Variants in NBAS observed in about 807,000 individuals in gnomAD.
NBAS encodes the protein NBAS subunit of NRZ tethering complex.
Under a neutral mutation model 302.5 loss-of-function variants are expected in NBAS, and 219 were observed. The observed-to-expected ratio is 0.72, with a 90% confidence interval of 0.65 to 0.81. NBAS has a LOEUF of 0.81. Ranked by LOEUF, NBAS falls within the 30% of genes least tolerant of loss-of-function variation. The pLI, the probability that NBAS is intolerant of heterozygous loss-of-function variation, is 0.00. For missense variants in NBAS, 2,932 were observed against 2,841.6 expected, an observed-to-expected ratio of 1.03 and a Z score of -0.72; for synonymous variants, 1,118 against 1,021.6, an observed-to-expected ratio of 1.09 and a Z score of -1.80.
chr2:14,822,530 T>G, the NBAS span, among the ~76,000 whole-genome samples: 1 of 152,108 alleles, frequency 6.6e-6, no homozygotes, highest in Non-Finnish European at 1.5e-5. Flanking sequence ...ATTTCAGACC[T>G]CCAAAGGTCA....
intron 10 of NBAS, among the ~76,000 whole-genome samples, chr2:15,509,262 C>T (rs934289033): frequency 1.3e-5 from 2 of 152,142 alleles, no homozygotes; most frequent in African/African-American, 4.8e-5. Context: ...CATCTCATGC[C>T]TCTATGTTCA....
At chr2:15,297,616 C>T (rs1006939568) in intron 40 of NBAS, among the ~76,000 whole-genome samples, 4 of 152,222 alleles carry the variant, frequency 2.6e-5, no homozygotes, top group African/African-American at 9.6e-5. Flanking sequence ...TTTTCTGAGG[C>T]CTCCCAGCCA....
intron 42 of NBAS, among the ~76,000 whole-genome samples, chr2:15,278,626 G>C (rs1300194171): frequency 1.3e-5 from 2 of 152,144 alleles, no homozygotes; most frequent in Non-Finnish European, 2.9e-5. Flanking sequence ...TATGTACAAG[G>C]CACTGTGCTC....
chr2:15,429,731 C>G (rs979500766), intron 21 of NBAS, among the ~76,000 whole-genome samples: 1 of 152,110 alleles, frequency 6.6e-6, no homozygotes, highest in African/African-American at 2.4e-5. Context: ...ATGTAATATC[C>G]TAGCAAACTA....
intron 11 of NBAS, among the ~76,000 whole-genome samples, chr2:15,500,502 T>TCA (rs72095633): frequency 0.43 from 57,821 of 135,994 alleles, 13,369 homozygotes; most frequent in Non-Finnish European, 0.55. Context: ...TTTAGAAGTC[T>TCA]CACACACACA....
the NBAS span, among the ~76,000 whole-genome samples, chr2:15,135,650 T>G: frequency 6.6e-6 from 1 of 152,134 alleles, no homozygotes; most frequent in Non-Finnish European, 1.5e-5. Flanking sequence ...TTTGTGATTC[T>G]GGGTAGTGGA....
the NBAS span, among the ~76,000 whole-genome samples, chr2:14,954,019 T>C: frequency 6.6e-6 from 1 of 152,094 alleles, no homozygotes; most frequent in Non-Finnish European, 1.5e-5. Context: ...AATGGGCCAA[T>C]AAGCCCTACC....
intron 31 of NBAS, among the ~76,000 whole-genome samples, chr2:15,367,517 A>G (rs1174715067): frequency 6.6e-6 from 1 of 152,220 alleles, no homozygotes; most frequent in Non-Finnish European, 1.5e-5. Context: ...TCTTATTAAT[A>G]GAAGGCAGGT....
chr2:15,202,339 A>G (rs1376420518), intron 48 of NBAS, among the ~76,000 whole-genome samples: 1 of 152,210 alleles, frequency 6.6e-6, no homozygotes, highest in African/African-American at 2.4e-5. Flanking sequence ...TGTCACTTCG[A>G]TATGTAATAC....
chr2:15,383,392 G>T (rs1017791730), intron 28 of NBAS, 75 bp from the exon 29 acceptor site: 2 of 1,459,734 alleles, frequency 1.4e-6, no homozygotes, highest in African/African-American at 1.4e-5. Flanking sequence ...ATGATCTAAA[G>T]TTAAAAAAAC....
chr2:15,560,418 C>G (rs1664856663), intron 1 of NBAS, among the ~76,000 whole-genome samples: 2 of 152,150 alleles, frequency 1.3e-5, no homozygotes, highest in South Asian at 4.1e-4. Flanking sequence ...CAGTCAGCAG[C>G]TCTTTACTCT....
chr2:15,518,625 AAGAG>A (rs946906113), intron 9 of NBAS, among the ~76,000 whole-genome samples: 35 of 152,334 alleles, frequency 2.3e-4, no homozygotes, highest in African/African-American at 7.7e-4. Context: ...TAACAAAAAC[AAGAG>A]AGAGAAAGAG....
In NBAS at chr2:15,292,614, G is replaced by C. The variant is rs748273369; in HGVS notation, c.4950C>G (p.Gly1650=). ...GCTGCACGTCCACACCCTTCCGAAGGCCCTGAAGGATCTGCGCCTGAGTGA... is the reference window on the plus strand; with the variant it reads ...GCTGCACGTCCACACCCTTCCGAAGCCCCTGAAGGATCTGCGCCTGAGTGA... The part of the protein sequence containing the change: ...LDFTQAQILQ[G]LRKGVDVQRF... Residue 1650 remains glycine (G), a synonymous_variant, in exon 41 of 52, where the codon GGC becomes GGG. Coordinates refer to ENST00000281513, the MANE Select transcript of NBAS (RefSeq NM_015909.4). The C allele has an allele frequency of 1.2e-6, 2 of 1,614,130 alleles. No homozygotes were observed. The highest frequency in any genetic ancestry group is 1.3e-5 in the African/African-American group (1 of 75,020).
At chr2:14,811,146 G>A in the NBAS span, among the ~76,000 whole-genome samples, 1 of 152,158 alleles carries the variant, frequency 6.6e-6, no homozygotes, top group East Asian at 1.9e-4. Flanking sequence ...GGTGGTTCAT[G>A]TCTATAATCC....
chr2:14,783,576 T>A, the NBAS span, among the ~76,000 whole-genome samples: 1 of 149,498 alleles, frequency 6.7e-6, no homozygotes, highest in South Asian at 2.1e-4. Context: ...CGGTGTTTGG[T>A]TTTTTGTCCT....
chr2:15,305,449 GTTT>G (rs35136896), intron 40 of NBAS, among the ~76,000 whole-genome samples: 3,419 of 123,742 alleles, frequency 0.028, 123 homozygotes, highest in African/African-American at 0.096. Flanking sequence ...GTCTCGAGCA[GTTT>G]TTTTTTTTTT....
chr2:15,367,210 T>C (rs1674253986), intron 31 of NBAS, among the ~76,000 whole-genome samples: 2 of 152,112 alleles, frequency 1.3e-5, no homozygotes, highest in South Asian at 4.1e-4. Context: ...TTTTCTCACA[T>C]AAACTGGATA....
the NBAS span, among the ~76,000 whole-genome samples, chr2:14,873,675 C>A: frequency 1.4e-5 from 2 of 140,324 alleles, no homozygotes; most frequent in African/African-American, 2.9e-5. Flanking sequence ...TGGAAGATTC[C>A]TTGATGTTTT....
the NBAS span, among the ~76,000 whole-genome samples, chr2:15,041,997 G>A: frequency 8.5e-5 from 13 of 152,230 alleles, no homozygotes; most frequent in Non-Finnish European, 1.3e-4. Flanking sequence ...AAGGTGATAC[G>A]TGTTTGTGCT....
Sources: gnomAD v4.1 joint callset for allele counts (sites outside exome capture counted in the v4.1 genomes callset) on GRCh38, gnomAD v4.1.1 for gene constraint, MANE v1.5 for transcripts, NCBI Gene and HGNC (gene_info 2026-07-23, HGNC 2026-07-21) for gene names.